Variants in C1orf94 observed in about 807,000 individuals in gnomAD.
The protein encoded by C1orf94 is chromosome 1 open reading frame 94.
Under a neutral mutation model 53.6 loss-of-function variants are expected in C1orf94, and 45 were observed. That is an observed-to-expected ratio of 0.84 (90% CI 0.66 to 1.08). The LOEUF (loss-of-function observed/expected upper bound fraction) is 1.08, where lower values mean the gene tolerates loss of function less well. Ranked by LOEUF, C1orf94 falls within the 50% of genes least tolerant of loss-of-function variation. C1orf94 has a pLI of 0.00. For missense variants in C1orf94, 762 were observed against 738.9 expected (o/e 1.03, Z -0.36); for synonymous variants, 304 against 296.1 (o/e 1.03, Z -0.27).
intron 5 of C1orf94, among the ~76,000 whole-genome samples, chr1:34,210,994 A>G (rs1457657912): frequency 1.3e-5 from 2 of 151,832 alleles, no homozygotes; most frequent in African/African-American, 4.8e-5. Context: ...GTATGGGGTG[A>G]GAGAGGGCTG....
chr1:34,193,265 GTCT>G (rs748280304), intron 1 of C1orf94, among the ~76,000 whole-genome samples: 23 of 152,248 alleles, frequency 1.5e-4, no homozygotes, highest in Non-Finnish European at 3.2e-4. Context: ...TGGGAGGAGA[GTCT>G]CCGGTAGTGT....
chr1:34,177,874 G>C lies in C1orf94; in HGVS notation c.85G>C (p.Gly29Arg). ...KERRRMASGN[G>R]LPSSSALVAK... ...GAGGAGGAGGATGGCCAGCGGGAAT[G>C]GGCTTCCTTCATCCTCGGCCCTGGT... Residue 29 changes from glycine (G) to arginine (R), a missense_variant, in exon 1 of 7, where the codon GGG (glycine) becomes CGG (arginine). Gly to Arg is a moderately radical substitution (Grantham distance 125). Transcript: ENST00000488417. 1 of 1,551,508 alleles carries C rather than the reference G, an allele frequency of 6.4e-7. No homozygotes were observed.
At chr1:34,207,195 C>T (rs1358599581) in intron 4 of C1orf94, among the ~76,000 whole-genome samples, 2 of 151,926 alleles carry the variant, frequency 1.3e-5, no homozygotes, top group African/African-American at 4.8e-5. Context: ...AGGGAAAACT[C>T]GGGATTGACA....
upstream of C1orf94, among the ~76,000 whole-genome samples, chr1:34,175,878 A>G (rs548713330): frequency 2.8e-4 from 43 of 152,098 alleles, no homozygotes; most frequent in African/African-American, 7.2e-4. Flanking sequence ...CTAGGTTGGT[A>G]CAAAAGTAAT....
intron 1 of C1orf94, among the ~76,000 whole-genome samples, chr1:34,194,264 C>T (rs1253786854): frequency 1.3e-5 from 2 of 152,202 alleles, no homozygotes; most frequent in Non-Finnish European, 2.9e-5. Flanking sequence ...GTGTTTTGTA[C>T]AACTTATAGA....
chr1:34,198,060 G>C (rs982553179), intron 2 of C1orf94, 147 bp downstream of exon 2: 6 of 924,368 alleles, frequency 6.5e-6, no homozygotes, highest in East Asian at 2.7e-5. Context: ...CCCGAGGGAC[G>C]GGCTGTTTCC....
chr1:34,212,081 C>T (rs1315088186), intron 5 of C1orf94, 129 bp from the exon 6 acceptor site: 2 of 757,310 alleles, frequency 2.6e-6, no homozygotes, highest in Non-Finnish European at 4.0e-6. Context: ...TTCTCCATTC[C>T]AACATGTTGC....
intron 1 of C1orf94, among the ~76,000 whole-genome samples, chr1:34,168,830 A>G (rs926794967): frequency 7.9e-5 from 12 of 152,122 alleles, no homozygotes; most frequent in Admixed American, 4.6e-4. Flanking sequence ...TAAAGACTCT[A>G]CCTCCAAATA....
chr1:34,201,125 T>C (rs1220215832), intron 3 of C1orf94, 93 bp downstream of exon 3: 8 of 1,480,502 alleles, frequency 5.4e-6, no homozygotes, highest in Non-Finnish European at 7.2e-6. Context: ...GTGGCTGTCT[T>C]ATCTACTGCC....
At chr1:34,210,459 C>T (rs1642871349) in intron 5 of C1orf94, among the ~76,000 whole-genome samples, 1 of 152,144 alleles carries the variant, frequency 6.6e-6, no homozygotes. Context: ...CCGGGCTTAC[C>T]CTGCTGGGGT....
At chr1:34,185,091 GA>G (rs560909539) in intron 1 of C1orf94, among the ~76,000 whole-genome samples, 7 of 152,306 alleles carry the variant, frequency 4.6e-5, no homozygotes, top group South Asian at 4.1e-4. Flanking sequence ...TGATTTCAGA[GA>G]CCCCGTGGGC....
rs754696659 is a variant in C1orf94 at position 34,197,463 on chromosome 1, C to G, written c.559C>G (p.Gln187Glu). ...CATTGTCGGAGACAAGCTTCTGAAG[C>G]AGAAGGTGGCCATGCCCGTTATCAG... ...SIIVGDKLLK[Q>E]KVAMPVISSR... Residue 187 changes from glutamine (Q) to glutamate (E), a missense_variant, in exon 2 of 7, where the codon CAG becomes GAG. Coordinates refer to ENST00000488417, the MANE Select transcript of C1orf94 (RefSeq NM_001134734.2). The surrounding 1 kb of genome is among the most constrained non-coding windows in gnomAD (Gnocchi z 4.1). 6.2e-7 allele frequency: 1 copy of G among 1,614,082 alleles called. No individual in the cohort carries two copies. The highest frequency in any genetic ancestry group is 1.6e-4 in the Middle Eastern group (1 of 6,062).
At chr1:34,188,740 G>C (rs1030112101) in intron 1 of C1orf94, among the ~76,000 whole-genome samples, 5 of 152,180 alleles carry the variant, frequency 3.3e-5, no homozygotes, top group African/African-American at 4.8e-5. Context: ...GGAGGGCTGG[G>C]GGTGGGGAGG....
In C1orf94 at chr1:34,208,962, A is replaced by T. The variant is rs568202635; in HGVS notation, c.1524+728A>T. On this transcript the variant is annotated intron_variant, in intron 5 of 6. Transcript: ENST00000488417. ...CACGCAGGGTTGCCAGTTAAAATCC[A>T]GGACACCCAGTTAAATTTGAATTTC... is the stretch of plus-strand genomic sequence containing the variant. Among the ~76,000 whole-genome samples the T allele has an allele frequency of 5.3e-5, 8 of 152,350 alleles. No individual in the cohort carries two copies. In the East Asian group the frequency reaches 1.5e-3, roughly 29 times the overall value.
intron 5 of C1orf94, among the ~76,000 whole-genome samples, chr1:34,209,221 T>C (rs908691640): frequency 1.3e-5 from 2 of 151,766 alleles, no homozygotes; most frequent in Admixed American, 6.6e-5. Flanking sequence ...CATGCTTTAC[T>C]ACATCTTGTA....
chr1:34,183,073 T>A (rs1048481181), intron 1 of C1orf94, among the ~76,000 whole-genome samples: 2 of 152,192 alleles, frequency 1.3e-5, no homozygotes, highest in Admixed American at 1.3e-4. Flanking sequence ...TTCAAAATAA[T>A]AATGATAATA....
intron 1 of C1orf94, among the ~76,000 whole-genome samples, chr1:34,195,782 GTGT>G (rs1557482932): frequency 1.7e-4 from 12 of 72,154 alleles, no homozygotes; most frequent in African/African-American, 8.1e-5. Flanking sequence ...GTTCGTGGGT[GTGT>G]GTGTGTGTGT....
chr1:34,190,141 A>G (rs910925042), intron 1 of C1orf94, among the ~76,000 whole-genome samples: 16 of 152,106 alleles, frequency 1.1e-4, no homozygotes, highest in African/African-American at 3.6e-4. Flanking sequence ...TGTATCCCTC[A>G]TGGTTGTGGT....
At chr1:34,185,785 C>A (rs1642375947) in intron 1 of C1orf94, among the ~76,000 whole-genome samples, 1 of 152,258 alleles carries the variant, frequency 6.6e-6, no homozygotes, top group Non-Finnish European at 1.5e-5. Flanking sequence ...ACTGCTCAGA[C>A]ATCTCTCATG....
Sources: allele counts gnomAD v4.1 joint callset (sites outside exome capture counted in the v4.1 genomes callset), GRCh38; gene constraint gnomAD v4.1.1; non-coding constraint Gnocchi (gnomAD v3.1); transcripts MANE v1.5; gene names NCBI Gene and HGNC (gene_info 2026-07-23, HGNC 2026-07-21).